The following SHC2 variants were observed in gnomAD, a reference collection of about 807,000 sequenced individuals.
SHC2 encodes the protein SHC adaptor protein 2.
Under a neutral mutation model 60.6 loss-of-function variants are expected in SHC2, and 62 were observed. The observed-to-expected ratio is 1.02, with a 90% CI of 0.83 to 1.26. The LOEUF (loss-of-function observed/expected upper bound fraction) is 1.26, where lower values mean the gene tolerates loss of function less well. Among genes scored for constraint, SHC2 ranks in the 50% most tolerant of loss-of-function variants. The pLI is 0.00. For synonymous variants in SHC2, 375 were observed against 372.4 expected (o/e 1.01, Z -0.08); for missense variants, 873 against 822.2 (o/e 1.06, Z -0.76).
rs1349890697 is a variant in SHC2 at position 460,672 on chromosome 19, C to A, written c.325G>T (p.Gly109Cys). ...CRGAGSRGSR[G>C]GRGAAGSGDA... ...CCGGACCCCGCCGCCCCCCGCCCGC[C>A]CCGCGACCCCCGCGACCCCGCGCCC... Residue 109 changes from glycine (G) to cysteine (C), a missense_variant, in exon 1 of 13, where the codon GGC (glycine) becomes TGC (cysteine). Physicochemically the swap from Gly to Cys is radical, Grantham distance 159. Coordinates refer to ENST00000264554, the MANE Select transcript of SHC2 (RefSeq NM_012435.3). The A allele has an allele frequency of 1.9e-6, 2 of 1,057,434 alleles. No individual in the cohort carries two copies. Among genetic ancestry groups the A allele is most frequent in the Non-Finnish European group, 2.3e-6 (2 of 881,982 alleles). The allele number at this position is 1,057,434 out of a possible 1,614,324, so 65.5% of individuals were successfully genotyped here.
At chr19:435,930 C>T (rs771878988) in intron 7 of SHC2, 40 of 511,208 alleles carry the variant, frequency 7.8e-5, no homozygotes, top group Non-Finnish European at 1.2e-4. Flanking sequence ...TCAGGCACAC[C>T]GGGGAGTCAG....
chr19:460,581 C>T lies in SHC2; in HGVS notation c.416G>A (p.Trp139Ter). Residue 139 changes from tryptophan to a stop codon, truncating the protein, a stop_gained, in exon 1 of 13, where the codon TGG becomes TAG. Coordinates refer to ENST00000264554, the MANE Select transcript of SHC2 (RefSeq NM_012435.3). LOFTEE classifies it high-confidence loss of function. ...GSFIHKPAHG[W>*]LHPDARVLGP... ...CAGGACCCTGGCGTCGGGGTGTAGC[C>T]AGCCGTGCGCGGGTTTGTGGATGAA... 7.1e-7 allele frequency: 1 copy of T among 1,413,892 alleles called. No individual in the cohort carries two copies. The highest frequency in any genetic ancestry group is 9.3e-7 in the Non-Finnish European group (1 of 1,077,168). The allele number at this position is 1,413,892 out of a possible 1,614,324, so 87.6% of individuals were successfully genotyped here.
In SHC2 at chr19:422,634, G is replaced by A. The variant is rs1974309490; in HGVS notation, c.1310-178C>T. The A allele has an allele frequency of 1.7e-6, 1 of 582,542 alleles. No individual in the cohort carries two copies. Among genetic ancestry groups the A allele is most frequent in the East Asian group, 2.9e-5 (1 of 34,800 alleles). 36.1% of individuals were successfully genotyped at this position (582,542 alleles called of 1,614,324 possible). On this transcript the variant is annotated intron_variant, in intron 10 of 12. Transcript: ENST00000264554. This position sits in a 1 kb window ranked among gnomAD's most constrained non-coding sequence, Gnocchi z 5.0. The stretch of plus-strand genomic sequence containing the variant: ...CTGCCCAGCCCCGTGCGTGCGGTGG[G>A]CTCACATGTGTAGCAACCTGGACTC...
chr19:423,049 C>T (rs1430709889), intron 10 of SHC2, among the ~76,000 whole-genome samples: 1 of 152,216 alleles, frequency 6.6e-6, no homozygotes, highest in African/African-American at 2.4e-5. Context: ...AGTGCTGGAG[C>T]CCCAGCCCTG....
At chr19:434,240 CTGAGTGAGATCATGAG>C (rs1003364211) in intron 8 of SHC2, among the ~76,000 whole-genome samples, 23 of 3,218 alleles carry the variant, frequency 7.1e-3, no homozygotes, top group South Asian at 0.026. Context: ...GAGTGAGATC[CTGAGTGAGATCATGAG>C]TGAGTGAGAT....
At chr19:435,301 G>A (rs138839126) in intron 7 of SHC2, among the ~76,000 whole-genome samples, 31 of 152,366 alleles carry the variant, frequency 2.0e-4, no homozygotes, top group Non-Finnish European at 3.2e-4. Flanking sequence ...GCACGGCCCC[G>A]AGAGCCAGAG....
rs1555706981 is a variant in SHC2, at chr19:440,113, A to ATGCT, written c.539+748_539+749insAGCA. On this transcript the variant is annotated intron_variant, in intron 2 of 12. Coordinates refer to ENST00000264554, the MANE Select transcript of SHC2 (RefSeq NM_012435.3). The surrounding 1 kb of genome is among the most constrained non-coding windows in gnomAD (Gnocchi z 7.0). ...AACGCCATGCTCAGTGAGAGACGCC[A>ATGCT]GACACACGAGGCCACGCAGCGTGTG... Among the ~76,000 whole-genome samples the ATGCT allele has an allele frequency of 3.3e-5, 5 of 151,468 alleles. No individual in the cohort carries two copies. The highest frequency in any genetic ancestry group is 3.3e-4 in the Admixed American group (5 of 15,234).
chr19:429,615 T>C (rs762972428), intron 9 of SHC2, among the ~76,000 whole-genome samples: 28 of 104,012 alleles, frequency 2.7e-4, no homozygotes, highest in African/African-American at 1.0e-3. Context: ...AGAAACCTAA[T>C]ACCGTGTGGA....
chr19:422,442 C>A lies in SHC2; in HGVS notation c.1324G>T (p.Ala442Ser), dbSNP rs371447388. ...DLFDMRPFEDALKLHECSVAA... is the reference protein window; with the variant it reads ...DLFDMRPFEDSLKLHECSVAA... The stretch of plus-strand genomic sequence containing the variant: ...ACTGAGCACTCATGCAACTTCAGGG[C>A]ATCCTCAAAGGGTCCTGCAGGCCAG... Residue 442 changes from alanine to serine, a missense_variant, in exon 11 of 13, where the codon GCC becomes TCC. By Grantham distance (99) the Ala-to-Ser change is moderately conservative (BLOSUM62 1). Transcript: ENST00000264554. The surrounding 1 kb of genome is among the most constrained non-coding windows in gnomAD (Gnocchi z 5.0). The A allele has an allele frequency of 6.4e-6, 10 of 1,562,216 alleles. No homozygotes were observed. The African/African-American group carries it at 1.1e-4, about 17-fold the overall frequency.
At chr19:456,799 C>A (rs1975354014) in intron 1 of SHC2, among the ~76,000 whole-genome samples, 1 of 133,190 alleles carries the variant, frequency 7.5e-6, no homozygotes, top group Non-Finnish European at 1.6e-5. Context: ...CAATCCCCAC[C>A]ACGTGGGGCC....
rs1380729376 is a variant in SHC2, at chr19:438,439, G to A, written c.720+279C>T. On this transcript the variant is annotated intron_variant, in intron 4 of 12. Transcript: ENST00000264554. The surrounding 1 kb of genome is among the most constrained non-coding windows in gnomAD (Gnocchi z 5.0). Reference sequence around the variant, plus strand: ...GACGGACCACTCTCTGGGGTGGGGCGTCCTGGCCCCTGCAGGGTGCTGAGC... The same window carrying A: ...GACGGACCACTCTCTGGGGTGGGGCATCCTGGCCCCTGCAGGGTGCTGAGC... Among the ~76,000 whole-genome samples, 4 of 151,440 alleles carry A rather than the reference G, an allele frequency of 2.6e-5. No individual in the cohort carries two copies. Among genetic ancestry groups the A allele is most frequent in the Admixed American group, 6.6e-5 (1 of 15,252 alleles).
chr19:434,645 G>A, intron 8 of SHC2, 64 bp downstream of exon 8: 1 of 1,360,068 alleles, frequency 7.4e-7, no homozygotes, highest in South Asian at 1.4e-5. Flanking sequence ...AGAGCTGGAG[G>A]TAGGTCCAGG....
At chr19:459,324 C>T (rs867561465) in intron 1 of SHC2, among the ~76,000 whole-genome samples, 21 of 123,670 alleles carry the variant, frequency 1.7e-4, no homozygotes, top group African/African-American at 7.7e-4. Context: ...CCCCACTGAA[C>T]CCAGCGTAGG....
chr19:458,354 C>T (rs1975426865), intron 1 of SHC2, among the ~76,000 whole-genome samples: 1 of 116,020 alleles, frequency 8.6e-6, no homozygotes, highest in Non-Finnish European at 1.8e-5. Context: ...GAAGCGGGTT[C>T]CGGGGAGGCG....
intron 10 of SHC2, among the ~76,000 whole-genome samples, chr19:423,022 C>T (rs1414565891): frequency 6.6e-6 from 1 of 152,186 alleles, no homozygotes; most frequent in African/African-American, 2.4e-5. Flanking sequence ...CAGAAAGCAG[C>T]ATGGTTCAGA....
At chr19:420,461 G>C (rs181423168) in intron 11 of SHC2, among the ~76,000 whole-genome samples, 1 of 152,316 alleles carries the variant, frequency 6.6e-6, no homozygotes, top group Non-Finnish European at 1.5e-5. Flanking sequence ...CTCCTCACCT[G>C]GGAAATAACC....
At position 453,397 on chromosome 19, in the gene SHC2, A is replaced by G. The variant is rs11085056; in HGVS notation, c.468+7132T>C. Among the ~76,000 whole-genome samples, 123,779 of 151,608 alleles carry G rather than the reference A, an allele frequency of 0.82. 50,788 individuals are homozygous for G. Among genetic ancestry groups the G allele is most frequent in the East Asian group, 0.96 (4,956 of 5,146 alleles). Reference sequence around the variant, plus strand: ...TGCTCCTCCTGCCTCAGTCTCCCACATAGCCGGGACCACAGGTGTGCACCA... The same window carrying G: ...TGCTCCTCCTGCCTCAGTCTCCCACGTAGCCGGGACCACAGGTGTGCACCA... On this transcript the variant is annotated intron_variant, in intron 1 of 12. Coordinates refer to ENST00000264554, the MANE Select transcript of SHC2 (RefSeq NM_012435.3). The surrounding 1 kb of genome is among the most constrained non-coding windows in gnomAD (Gnocchi z 6.3).
intron 11 of SHC2, among the ~76,000 whole-genome samples, chr19:420,479 C>A (rs1218223101): frequency 6.6e-6 from 1 of 152,214 alleles, no homozygotes; most frequent in Non-Finnish European, 1.5e-5. Flanking sequence ...ACCTGTGCAG[C>A]CCTCGGACGC....
Position 446,550 on chromosome 19 carries a change from C to T in SHC2, c.469-5618G>A, listed in dbSNP as rs1975058148. Among the ~76,000 whole-genome samples the T allele has an allele frequency of 6.6e-6, 1 of 152,094 alleles. No individual in the cohort carries two copies. Among genetic ancestry groups the T allele is most frequent in the African/African-American group, 2.4e-5 (1 of 41,420 alleles). On this transcript the variant is annotated intron_variant, in intron 1 of 12. Coordinates refer to ENST00000264554, the MANE Select transcript of SHC2 (RefSeq NM_012435.3). The surrounding 1 kb of genome is among the most constrained non-coding windows in gnomAD (Gnocchi z 5.4). Reference sequence around the variant, plus strand: ...GGTCTCGATCTCTTGACCTTGTGATCCGCCTCGGTCTCCCAAAGTGCTGGG... The same window carrying T: ...GGTCTCGATCTCTTGACCTTGTGATTCGCCTCGGTCTCCCAAAGTGCTGGG...
Sources: allele counts gnomAD v4.1 joint callset (sites outside exome capture counted in the v4.1 genomes callset), GRCh38; gene constraint gnomAD v4.1.1; non-coding constraint Gnocchi (gnomAD v3.1); transcripts MANE v1.5; gene names NCBI Gene and HGNC (gene_info 2026-07-23, HGNC 2026-07-21).